SGCG: variants seen among roughly 807,000 people sequenced by gnomAD.
SGCG encodes the protein sarcoglycan gamma.
In SGCG, 26 loss-of-function variants were observed where a neutral mutation model predicts 29.3. That is an observed-to-expected ratio of 0.89 (90% CI 0.65 to 1.23). SGCG has a LOEUF of 1.23. Among genes scored for constraint, SGCG ranks in the 50% most tolerant of loss-of-function variants. The pLI is 0.00. For synonymous variants in SGCG, 145 were observed against 129.7 expected (o/e 1.12, Z -0.80); for missense variants, 353 against 356.0 (o/e 0.99, Z 0.07).
chr13:23,173,700 A>T, the SGCG span, among the ~76,000 whole-genome samples: 4 of 152,228 alleles, frequency 2.6e-5, no homozygotes, highest in African/African-American at 9.6e-5. Flanking sequence ...TAACTTTAGT[A>T]TTCTTACTTG....
chr13:23,324,606 C>A lies in SGCG; in HGVS notation c.*65C>A. The A allele has an allele frequency of 7.0e-7, 1 of 1,435,518 alleles. No individual in the cohort carries two copies. Among genetic ancestry groups the A allele is most frequent in the African/African-American group, 1.4e-5 (1 of 71,800 alleles). The allele number at this position is 1,435,518 out of a possible 1,614,324, so 88.9% of individuals were successfully genotyped here. On this transcript the variant is annotated 3_prime_UTR_variant, in exon 8 of 8. Coordinates refer to ENST00000218867, the MANE Select transcript of SGCG (RefSeq NM_000231.3). ...CCAGATCCTCACACCCAGGGAGCAG[C>A]TGCACATCGTGAAAGACTGAGGCAG...
the SGCG span, among the ~76,000 whole-genome samples, chr13:23,160,739 CTGT>C: frequency 6.6e-6 from 1 of 152,198 alleles, no homozygotes; most frequent in East Asian, 1.9e-4. Context: ...ACTAACCCCT[CTGT>C]TGTTAGACGT....
At chr13:23,213,127 C>G (rs1478211859) in intron 2 of SGCG, among the ~76,000 whole-genome samples, 2 of 152,068 alleles carry the variant, frequency 1.3e-5, no homozygotes, top group African/African-American at 2.4e-5. Flanking sequence ...CATATCTTTG[C>G]AGTGGTTTCA....
intron 2 of SGCG, among the ~76,000 whole-genome samples, chr13:23,208,397 A>G (rs1878062284): frequency 6.6e-6 from 1 of 152,170 alleles, no homozygotes; most frequent in Admixed American, 6.5e-5. Flanking sequence ...GATATATTCA[A>G]AAATGCCCAG....
At chr13:23,172,757 A>G in the SGCG span, among the ~76,000 whole-genome samples, 17 of 152,372 alleles carry the variant, frequency 1.1e-4, no homozygotes, top group South Asian at 2.3e-3. Context: ...CTTAGTATCA[A>G]GTGATGGATG....
chr13:23,210,178 T>A (rs1194808084), intron 2 of SGCG, among the ~76,000 whole-genome samples: 1 of 152,192 alleles, frequency 6.6e-6, no homozygotes, highest in Admixed American at 6.5e-5. Flanking sequence ...GGGAAATTAT[T>A]TGTTTATGAA....
At chr13:23,272,011 T>C (rs1880893113) in intron 4 of SGCG, among the ~76,000 whole-genome samples, 1 of 152,230 alleles carries the variant, frequency 6.6e-6, no homozygotes, top group African/African-American at 2.4e-5. Flanking sequence ...TAATTTTATA[T>C]CCTGCCAGTT....
intron 5 of SGCG, among the ~76,000 whole-genome samples, chr13:23,285,666 C>A (rs1323652924): frequency 8.5e-5 from 13 of 152,166 alleles, no homozygotes; most frequent in African/African-American, 2.9e-4. Context: ...TGAAAAAAAA[C>A]TCCTGCAGCT....
At chr13:23,263,009 T>A (rs1283104657) in intron 4 of SGCG, among the ~76,000 whole-genome samples, 1 of 151,992 alleles carries the variant, frequency 6.6e-6, no homozygotes, top group Non-Finnish European at 1.5e-5. Flanking sequence ...AAAGCAGTAC[T>A]AAGAGGAAAG....
intron 3 of SGCG, among the ~76,000 whole-genome samples, chr13:23,247,472 AAG>A (rs1160481490): frequency 6.6e-6 from 1 of 152,140 alleles, no homozygotes; most frequent in East Asian, 1.9e-4. Flanking sequence ...GCCAGTAAAG[AAG>A]AGAGTTTGAT....
chr13:23,293,715 C>A (rs1307467876), intron 5 of SGCG, among the ~76,000 whole-genome samples: 6 of 151,890 alleles, frequency 4.0e-5, no homozygotes, highest in African/African-American at 1.5e-4. Flanking sequence ...ACCTGTAGTC[C>A]CAGCTACTCA....
chr13:23,199,336 C>A (rs1157508427), intron 1 of SGCG, among the ~76,000 whole-genome samples: 1 of 152,186 alleles, frequency 6.6e-6, no homozygotes, highest in Non-Finnish European at 1.5e-5. Flanking sequence ...AAGAAGACCA[C>A]AAAGTGCTGT....
At chr13:23,199,043 G>T (rs2137493559) in intron 1 of SGCG, among the ~76,000 whole-genome samples, 1 of 151,820 alleles carries the variant, frequency 6.6e-6, no homozygotes, top group African/African-American at 2.4e-5. Flanking sequence ...GGAAAGCAGA[G>T]GTTGCAGTGA....
intron 6 of SGCG, among the ~76,000 whole-genome samples, chr13:23,315,886 G>A (rs960333330): frequency 6.6e-6 from 1 of 152,150 alleles, no homozygotes; most frequent in Non-Finnish European, 1.5e-5. Context: ...CCATGTGAGT[G>A]CTCACCAACT....
chr13:23,285,235 C>T (rs563173557), intron 5 of SGCG, among the ~76,000 whole-genome samples: 1 of 152,256 alleles, frequency 6.6e-6, no homozygotes, highest in Admixed American at 6.5e-5. Flanking sequence ...AGGTGCTGTC[C>T]CAGGGAGATG....
intron 2 of SGCG, among the ~76,000 whole-genome samples, chr13:23,205,574 G>T (rs1251708597): frequency 6.6e-6 from 1 of 152,108 alleles, no homozygotes; most frequent in African/African-American, 2.4e-5. Context: ...TAAACGGTTT[G>T]ACTGTAAAGT....
At chr13:23,175,678 T>C in the SGCG span, among the ~76,000 whole-genome samples, 1 of 152,182 alleles carries the variant, frequency 6.6e-6, no homozygotes, top group African/African-American at 2.4e-5. Context: ...TTATTACATA[T>C]GAATTTCTCC....
At chr13:23,287,480 T>G (rs1881536817) in intron 5 of SGCG, among the ~76,000 whole-genome samples, 1 of 152,160 alleles carries the variant, frequency 6.6e-6, no homozygotes, top group Non-Finnish European at 1.5e-5. Flanking sequence ...GAGCCCTGCC[T>G]TGCTGACACC....
At chr13:23,320,597 CTTTTTT>C in intron 6 of SGCG, 34 bp from the exon 7 acceptor site, 2 of 1,321,560 alleles carry the variant, frequency 1.5e-6, no homozygotes, top group Non-Finnish European at 1.0e-6. Context: ...ATTTTTAATA[CTTTTTT>C]TTTTTTTTTT....
Sources: allele counts gnomAD v4.1 joint callset (sites outside exome capture counted in the v4.1 genomes callset), GRCh38; gene constraint gnomAD v4.1.1; transcripts MANE v1.5; gene names NCBI Gene and HGNC (gene_info 2026-07-23, HGNC 2026-07-21).